Variants in CHRNA9 observed in about 807,000 individuals in gnomAD.
The protein encoded by CHRNA9 is cholinergic receptor nicotinic alpha 9 subunit.
A neutral mutation model predicts 36.8 loss-of-function variants in CHRNA9; 24 were observed. That is an observed-to-expected ratio of 0.65 (90% confidence interval 0.47 to 0.92). The LOEUF (loss-of-function observed/expected upper bound fraction) is 0.92. Ranked by LOEUF, CHRNA9 falls within the 40% of genes least tolerant of loss-of-function variation. The pLI is 0.00. For missense variants in CHRNA9, 610 were observed against 601.2 expected, an observed-to-expected ratio of 1.01 and a Z score of -0.15; for synonymous variants, 231 against 231.8, an observed-to-expected ratio of 1.00 and a Z score of 0.03.
intron 3 of CHRNA9, among the ~76,000 whole-genome samples, chr4:40,339,004 G>A (rs1209266018): frequency 1.3e-5 from 2 of 152,172 alleles, no homozygotes; most frequent in African/African-American, 2.4e-5. Flanking sequence ...CAGGCAGGGC[G>A]TGAGGACTAA....
At chr4:40,351,405 G>T (rs906260610) in intron 4 of CHRNA9, among the ~76,000 whole-genome samples, 10 of 151,784 alleles carry the variant, frequency 6.6e-5, no homozygotes, top group African/African-American at 2.4e-4. Flanking sequence ...TGAACTCCTG[G>T]GCTCAAGTGA....
Position 40,349,409 on chromosome 4 carries a change from T to C in CHRNA9, c.893T>C (p.Leu298Pro). Reference sequence around the variant, plus strand: ...ATGCCGGCCTCAGAAAATGTGCCCCTGATAGGTGAGTCCAAGTGTCTTCCA... The same window carrying C: ...ATGCCGGCCTCAGAAAATGTGCCCCCGATAGGTGAGTCCAAGTGTCTTCCA... ...EIMPASENVP[L>P]IGKYYIATMA... The change falls in exon 4 of 5, where the codon CTG (leucine) becomes CCG (proline). Residue 298 changes from leucine to proline, a missense_variant. Physicochemically the swap from Leu to Pro is moderately conservative, Grantham distance 98. Coordinates refer to ENST00000310169, the MANE Select transcript of CHRNA9 (RefSeq NM_017581.4). 6.2e-7 allele frequency: 1 copy of C among 1,611,898 alleles called. No homozygotes were observed. Among genetic ancestry groups the C allele is most frequent in the Non-Finnish European group, 8.5e-7 (1 of 1,178,832 alleles).
chr4:40,335,635 T>C, intron 1 of CHRNA9, 104 bp downstream of exon 1: 2 of 1,058,042 alleles, frequency 1.9e-6, no homozygotes, highest in Non-Finnish European at 2.9e-6. Context: ...TTCAACCGCA[T>C]GGAAGTGTTC....
chr4:40,348,843 C>G (rs1712709592), intron 3 of CHRNA9, 39 bp from the exon 4 acceptor site: 1 of 1,593,482 alleles, frequency 6.3e-7, no homozygotes, highest in Admixed American at 1.7e-5. Context: ...GGCAAGTTCT[C>G]CTAGCATGCG....
intron 3 of CHRNA9, among the ~76,000 whole-genome samples, chr4:40,339,058 G>A (rs560855739): frequency 1.4e-4 from 22 of 151,846 alleles, no homozygotes; most frequent in African/African-American, 4.8e-4. Context: ...CAGGTGGATC[G>A]CCTGAGGTCA....
rs902505235 is a variant in CHRNA9 at position 40,347,035 on chromosome 4, A to T, written c.366-1847A>T. On this transcript the variant is annotated intron_variant, in intron 3 of 4. Coordinates refer to ENST00000310169, the MANE Select transcript of CHRNA9 (RefSeq NM_017581.4). ...GCCATGTCAGTCAGGCAGGTCTCGG[A>T]CTCCTGGCCTCAAGTGATCTACCCA... Among the ~76,000 whole-genome samples the T allele has an allele frequency of 2.6e-5, 4 of 151,836 alleles. No individual in the cohort carries two copies. In the East Asian group the frequency reaches 7.7e-4, roughly 29 times the overall value.
intron 3 of CHRNA9, among the ~76,000 whole-genome samples, chr4:40,339,279 C>CAAAAAAAAAAAAAAA (rs61634062): frequency 8.4e-5 from 6 of 71,148 alleles, no homozygotes; most frequent in Non-Finnish European, 1.0e-4. Context: ...GACTCCATCT[C>CAAAAAAAAAAAAAAA]AAAAAAAAAA....
chr4:40,335,999 T>A (rs1232606544), intron 2 of CHRNA9, 27 bp downstream of exon 2: 1 of 1,592,524 alleles, frequency 6.3e-7, no homozygotes, highest in South Asian at 1.1e-5. Flanking sequence ...GCTGACTCTG[T>A]GGAATGATTC....
chr4:40,348,470 C>G (rs1165821145), intron 3 of CHRNA9, among the ~76,000 whole-genome samples: 1 of 149,406 alleles, frequency 6.7e-6, no homozygotes, highest in Admixed American at 6.7e-5. Context: ...AAAGTTATTG[C>G]TTAAAGGCAT....
In CHRNA9 at chr4:40,354,104, C is replaced by A. The variant is rs749461952; in HGVS notation, c.1024C>A (p.Leu342Met). The change falls in exon 5 of 5, where the codon CTG (leucine) becomes ATG (methionine). Residue 342 changes from leucine to methionine, a missense_variant. Physicochemically the swap from Leu to Met is conservative, Grantham distance 15 (BLOSUM62 2). Coordinates refer to ENST00000310169, the MANE Select transcript of CHRNA9 (RefSeq NM_017581.4). ...PVPHWARVVI[L>M]KYMSRVLFVY... Reference sequence around the variant, plus strand: ...GCCACACTGGGCCAGGGTGGTCATCCTGAAATACATGTCCAGGGTCTTGTT... The same window carrying A: ...GCCACACTGGGCCAGGGTGGTCATCATGAAATACATGTCCAGGGTCTTGTT... 4.0e-5 allele frequency: 64 copies of A among 1,614,074 alleles called. No individual in the cohort carries two copies. The highest frequency in any genetic ancestry group is 5.2e-5 in the Non-Finnish European group (61 of 1,180,036).
Position 40,335,369 on chromosome 4 carries a change from C to G in CHRNA9, c.-99C>G, listed in dbSNP as rs531267932. 1.1e-6 allele frequency: 1 copy of G among 888,932 alleles called. No homozygotes were observed. Among genetic ancestry groups the G allele is most frequent in the Non-Finnish European group, 1.9e-6 (1 of 528,000 alleles). 55.1% of individuals were successfully genotyped at this position (888,932 alleles called of 1,614,324 possible). On this transcript the variant is annotated 5_prime_UTR_variant, in exon 1 of 5. Coordinates refer to ENST00000310169, the MANE Select transcript of CHRNA9 (RefSeq NM_017581.4). Reference sequence around the variant, plus strand: ...GAGCTCTCCCGCCATAAGGCTGCAGCGGTGTGGGCTCCTTGTGCCCAGATC... The same window carrying G: ...GAGCTCTCCCGCCATAAGGCTGCAGGGGTGTGGGCTCCTTGTGCCCAGATC...
intron 2 of CHRNA9, among the ~76,000 whole-genome samples, chr4:40,336,760 A>G (rs755436330): frequency 1.8e-4 from 28 of 152,290 alleles, no homozygotes; most frequent in Middle Eastern, 3.4e-3. Context: ...GATTACAGGC[A>G]TGAGCCACCG....
chr4:40,343,607 T>C (rs979457752), intron 3 of CHRNA9, among the ~76,000 whole-genome samples: 4 of 152,210 alleles, frequency 2.6e-5, no homozygotes, highest in African/African-American at 4.8e-5. Flanking sequence ...TATCACTGCC[T>C]GAAGGCCACT....
In CHRNA9 at chr4:40,354,458, A is replaced by C; in HGVS notation, c.1378A>C (p.Met460Leu). The stretch of plus-strand genomic sequence containing the variant: ...GGCGAAAGTCATAGACCGATTCTTC[A>C]TGTGGATTTTTTTCATTATGGTGTT... ...KVAKVIDRFFMWIFFIMVFVM... is the reference protein window; with the variant it reads ...KVAKVIDRFFLWIFFIMVFVM... The change falls in exon 5 of 5, where the codon ATG (methionine) becomes CTG (leucine). Residue 460 changes from methionine (M) to leucine (L), a missense_variant. Coordinates refer to ENST00000310169, the MANE Select transcript of CHRNA9 (RefSeq NM_017581.4). 3 of 1,614,118 alleles carry C rather than the reference A, an allele frequency of 1.9e-6. No homozygotes were observed. The South Asian group carries it at 3.3e-5, about 18-fold the overall frequency.
rs1327915618 is a variant in CHRNA9 at position 40,354,709 on chromosome 4, A to C, written c.*189A>C. 2 of 556,230 alleles carry C rather than the reference A, an allele frequency of 3.6e-6. No homozygotes were observed. Among genetic ancestry groups the C allele is most frequent in the African/African-American group, 1.9e-5 (1 of 53,566 alleles). The allele number at this position is 556,230 out of a possible 1,614,324, so 34.5% of individuals were successfully genotyped here. On this transcript the variant is annotated 3_prime_UTR_variant, in exon 5 of 5. Coordinates refer to ENST00000310169, the MANE Select transcript of CHRNA9 (RefSeq NM_017581.4). Reference sequence around the variant, plus strand: ...ATTAAGCAGAAGAACCAAAATTTCAAGGGTAGGAAGATGGAAGAAATAGGG... The same window carrying C: ...ATTAAGCAGAAGAACCAAAATTTCACGGGTAGGAAGATGGAAGAAATAGGG...
At position 40,354,679 on chromosome 4, in the gene CHRNA9, G is replaced by A; in HGVS notation, c.*159G>A. ...AATGAATGTCGAAGCTATCTGCTCT[G>A]TTAAATTAAGCAGAAGAACCAAAAT... On this transcript the variant is annotated 3_prime_UTR_variant, in exon 5 of 5. Coordinates refer to ENST00000310169, the MANE Select transcript of CHRNA9 (RefSeq NM_017581.4). 1.5e-6 allele frequency: 1 copy of A among 664,314 alleles called. No homozygotes were observed. The highest frequency in any genetic ancestry group is 2.7e-5 in the East Asian group (1 of 37,606). 41.2% of individuals were successfully genotyped at this position (664,314 alleles called of 1,614,324 possible). A position where few individuals can be genotyped will look rare whatever the true frequency, so the allele number is the denominator to read the frequency against.
At chr4:40,343,837 A>G (rs1712565218) in intron 3 of CHRNA9, among the ~76,000 whole-genome samples, 1 of 152,228 alleles carries the variant, frequency 6.6e-6, no homozygotes, top group South Asian at 2.1e-4. Flanking sequence ...CTGGGGCTTT[A>G]CAAAGTGTGA....
At chr4:40,351,909 G>A (rs553446197) in intron 4 of CHRNA9, among the ~76,000 whole-genome samples, 9 of 152,310 alleles carry the variant, frequency 5.9e-5, no homozygotes, top group South Asian at 2.1e-4. Flanking sequence ...CAAATATGTC[G>A]ATTAGTGAAA....
rs538917094 is a variant in CHRNA9 at position 40,337,205 on chromosome 4, T to C, written c.211-5T>C. 2 of 1,613,994 alleles carry C rather than the reference T, an allele frequency of 1.2e-6. No individual in the cohort carries two copies. Among genetic ancestry groups the C allele is most frequent in the African/African-American group, 2.7e-5 (2 of 75,056 alleles). ...GGTAAAGCGACATCTGGATTCATTG[T>C]GTAGGATGAAAGAAACCAAATTCTG... On this transcript the variant is annotated splice_region_variant and splice_polypyrimidine_tract_variant and intron_variant, in intron 2 of 4. Transcript: ENST00000310169.
Sources: allele counts gnomAD v4.1 joint callset (sites outside exome capture counted in the v4.1 genomes callset), GRCh38; gene constraint gnomAD v4.1.1; transcripts MANE v1.5; gene names NCBI Gene and HGNC (gene_info 2026-07-23, HGNC 2026-07-21).